Variants in ATP2B2 observed in about 807,000 individuals in gnomAD.
The protein encoded by ATP2B2 is ATPase plasma membrane Ca2+ transporting 2.
In ATP2B2, 15 loss-of-function variants were observed where a neutral mutation model predicts 120.0. That is an observed-to-expected ratio of 0.12 (90% CI 0.08 to 0.19). ATP2B2 has a LOEUF of 0.19. Ranked by LOEUF, ATP2B2 falls within the 10% of genes least tolerant of loss-of-function variation. ATP2B2 has a pLI of 1.00. For missense variants in ATP2B2, 1,045 were observed against 1,719.8 expected (o/e 0.61, Z 6.94); for synonymous variants, 694 against 700.3 (o/e 0.99, Z 0.14).
At chr3:10,699,338 C>T (rs78409759) in intron 1 of ATP2B2, among the ~76,000 whole-genome samples, 1 of 152,220 alleles carries the variant, frequency 6.6e-6, no homozygotes, top group Middle Eastern at 3.4e-3. Flanking sequence ...GAAAGGAATA[C>T]ATTAAGTAAA....
chr3:10,449,270 G>C, intron 2 of ATP2B2, 75 bp downstream of exon 2: 1 of 1,501,912 alleles, frequency 6.7e-7, no homozygotes, highest in Non-Finnish European at 9.2e-7. Flanking sequence ...TACATATTAT[G>C]AATATGGTCC....
chr3:10,558,675 C>T (rs1032034332), intron 2 of ATP2B2, among the ~76,000 whole-genome samples: 1 of 152,220 alleles, frequency 6.6e-6, no homozygotes, highest in African/African-American at 2.4e-5. Context: ...AACCCTTAAA[C>T]CCCTTTGTGC....
chr3:10,416,975 C>A (rs2062806977), intron 2 of ATP2B2, among the ~76,000 whole-genome samples: 4 of 146,276 alleles, frequency 2.7e-5, no homozygotes, highest in Admixed American at 2.7e-4. Flanking sequence ...CGGCTCCTCA[C>A]TTCCCAGATG....
At chr3:10,559,768 A>G (rs1278140127) in intron 2 of ATP2B2, among the ~76,000 whole-genome samples, 1 of 152,236 alleles carries the variant, frequency 6.6e-6, no homozygotes, top group Non-Finnish European at 1.5e-5. Context: ...AGAACATCCA[A>G]GGAGACACAA....
At chr3:10,561,064 A>G (rs1336440337) in intron 2 of ATP2B2, among the ~76,000 whole-genome samples, 1 of 152,068 alleles carries the variant, frequency 6.6e-6, no homozygotes, top group Non-Finnish European at 1.5e-5. Flanking sequence ...AGCCACTCCC[A>G]TTGTGCTCAC....
chr3:10,458,102 T>G (rs2125224007), intron 1 of ATP2B2, among the ~76,000 whole-genome samples: 2 of 151,446 alleles, frequency 1.3e-5, no homozygotes, highest in South Asian at 2.1e-4. Context: ...CGTCCATCCT[T>G]CCATCTGTCT....
intron 1 of ATP2B2, among the ~76,000 whole-genome samples, chr3:10,471,891 G>A (rs376409888): frequency 3.3e-5 from 5 of 151,640 alleles, no homozygotes; most frequent in Admixed American, 6.6e-5. Flanking sequence ...CCATCCTGGC[G>A]AACACGGTGA....
chr3:10,575,235 C>T (rs955743824), intron 2 of ATP2B2, among the ~76,000 whole-genome samples: 1 of 152,148 alleles, frequency 6.6e-6, no homozygotes, highest in Non-Finnish European at 1.5e-5. Flanking sequence ...TTCAGAATTG[C>T]TGGGCAGAGG....
intron 14 of ATP2B2, among the ~76,000 whole-genome samples, chr3:10,356,075 A>C (rs1211569687): frequency 1.1e-4 from 1 of 9,156 alleles, no homozygotes. Context: ...ACTCCGTCTC[A>C]AAAAAAAAAA....
chr3:10,366,885 A>G (rs1308288275), intron 12 of ATP2B2, among the ~76,000 whole-genome samples: 1 of 152,232 alleles, frequency 6.6e-6, no homozygotes, highest in East Asian at 1.9e-4. Flanking sequence ...TGACTAAAAG[A>G]TGATTCACAC....
intron 18 of ATP2B2, among the ~76,000 whole-genome samples, chr3:10,344,591 G>T (rs1205044711): frequency 6.6e-6 from 1 of 152,228 alleles, no homozygotes; most frequent in African/African-American, 2.4e-5. Flanking sequence ...GGGCCTTGGG[G>T]ATCCCCTGGG....
chr3:10,480,500 G>A (rs1054989518), intron 1 of ATP2B2, among the ~76,000 whole-genome samples: 1 of 152,176 alleles, frequency 6.6e-6, no homozygotes, highest in Admixed American at 6.5e-5. Flanking sequence ...TGTCTCTTCT[G>A]AAGCACACAG....
At chr3:10,529,283 C>A (rs953470845) in intron 3 of ATP2B2, among the ~76,000 whole-genome samples, 3 of 152,220 alleles carry the variant, frequency 2.0e-5, no homozygotes, top group African/African-American at 7.2e-5. Flanking sequence ...TGGGAACGAT[C>A]TTCCTGGTAC....
intron 1 of ATP2B2, among the ~76,000 whole-genome samples, chr3:10,697,446 G>A (rs2071757596): frequency 1.3e-5 from 2 of 152,214 alleles, no homozygotes; most frequent in African/African-American, 2.4e-5. Flanking sequence ...CAGGAAAGAT[G>A]AGATAAAATA....
intron 12 of ATP2B2, among the ~76,000 whole-genome samples, chr3:10,360,935 G>C (rs945372427): frequency 1.3e-5 from 2 of 152,020 alleles, no homozygotes; most frequent in Admixed American, 6.6e-5. Context: ...CGACTCCCTG[G>C]CCATGGCAAC....
chr3:10,372,487 C>T (rs528882346), intron 11 of ATP2B2, among the ~76,000 whole-genome samples: 1 of 152,280 alleles, frequency 6.6e-6, no homozygotes, highest in South Asian at 2.1e-4. Flanking sequence ...CTTTCATTCT[C>T]ATTTTAATTT....
intron 2 of ATP2B2, among the ~76,000 whole-genome samples, chr3:10,556,145 C>T (rs1159174079): frequency 6.6e-6 from 1 of 152,188 alleles, no homozygotes. Flanking sequence ...AGTGATCTGC[C>T]CTCCTTGGCC....
chr3:10,683,736 A>ATGTG (rs1559519993), intron 1 of ATP2B2, among the ~76,000 whole-genome samples: 10 of 124,236 alleles, frequency 8.0e-5, no homozygotes, highest in African/African-American at 3.0e-4. Context: ...GTGTATATAT[A>ATGTG]TGTGTATATA....
chr3:10,639,622 C>A (rs2070117087), intron 1 of ATP2B2, among the ~76,000 whole-genome samples: 1 of 152,174 alleles, frequency 6.6e-6, no homozygotes, highest in Non-Finnish European at 1.5e-5. Flanking sequence ...TGAGGGGTCA[C>A]AAACATTCAG....
Sources: gnomAD v4.1 joint callset for allele counts (sites outside exome capture counted in the v4.1 genomes callset) on GRCh38, gnomAD v4.1.1 for gene constraint, MANE v1.5 for transcripts, NCBI Gene and HGNC (gene_info 2026-07-23, HGNC 2026-07-21) for gene names.